Variants in CDH13 observed in about 807,000 individuals in gnomAD.
CDH13 encodes the protein cadherin-13.
CDH13 carries 24 observed loss-of-function variants against 63.8 expected under a neutral mutation model. That is an observed-to-expected ratio of 0.38 (90% CI 0.27 to 0.53). CDH13 has a LOEUF of 0.53. CDH13 is among the 20% of genes least tolerant of loss of function. CDH13 has a pLI of 0.85. For missense variants in CDH13, 1,049 were observed against 903.1 expected (o/e 1.16, Z -2.07); for synonymous variants, 503 against 355.3 (o/e 1.42, Z -4.67).
At chr16:83,036,954 A>G (rs1195641836) in intron 3 of CDH13, among the ~76,000 whole-genome samples, 1 of 152,180 alleles carries the variant, frequency 6.6e-6, no homozygotes, top group Non-Finnish European at 1.5e-5. Context: ...GCATGGGAAC[A>G]TGTGGGCAGA....
intron 10 of CDH13, among the ~76,000 whole-genome samples, chr16:83,698,553 T>TGTG: frequency 6.6e-6 from 1 of 152,330 alleles, no homozygotes; most frequent in South Asian, 2.1e-4. Context: ...TTGTGCTTCC[T>TGTG]CCTGGGCAGA....
At chr16:82,804,867 T>C (rs2037067520) in intron 1 of CDH13, among the ~76,000 whole-genome samples, 1 of 152,226 alleles carries the variant, frequency 6.6e-6, no homozygotes, top group African/African-American at 2.4e-5. Context: ...ATCTAAGGGT[T>C]ATCAAAGAAT....
intron 2 of CDH13, among the ~76,000 whole-genome samples, chr16:82,989,612 T>C (rs554795055): frequency 3.0e-4 from 45 of 152,358 alleles, no homozygotes; most frequent in African/African-American, 1.0e-3. Context: ...GGACCAGTGA[T>C]ACAATGGAGA....
intron 1 of CDH13, among the ~76,000 whole-genome samples, chr16:82,665,442 A>G (rs563021725): frequency 1.3e-4 from 20 of 152,230 alleles, no homozygotes; most frequent in Non-Finnish European, 2.1e-4. Context: ...AGAGGCTCAC[A>G]GGAACCTAAC....
intron 4 of CDH13, among the ~76,000 whole-genome samples, chr16:83,206,057 C>G (rs4783333): frequency 0.95 from 144,256 of 152,194 alleles, 68,625 homozygotes; most frequent in Non-Finnish European, 0.99. Context: ...TACGGGGTGG[C>G]CTGGTGTGCT....
intron 11 of CDH13, among the ~76,000 whole-genome samples, chr16:83,773,690 C>T (rs550524147): frequency 3.0e-4 from 45 of 152,118 alleles, no homozygotes; most frequent in Non-Finnish European, 5.1e-4. Flanking sequence ...AAAGTGTAGT[C>T]CAGCACAGGG....
chr16:83,132,656 G>C (rs1314944820), intron 4 of CDH13, among the ~76,000 whole-genome samples: 2 of 151,928 alleles, frequency 1.3e-5, no homozygotes, highest in East Asian at 1.9e-4. Context: ...ATGTTGGCCA[G>C]ACTCATCTGG....
intron 1 of CDH13, among the ~76,000 whole-genome samples, chr16:82,782,207 C>T (rs148327812): frequency 6.6e-6 from 1 of 152,102 alleles, no homozygotes; most frequent in Admixed American, 6.6e-5. Flanking sequence ...CTCAGAAAGC[C>T]AATCACAAGA....
intron 8 of CDH13, among the ~76,000 whole-genome samples, chr16:83,650,327 G>C (rs536023400): frequency 6.6e-6 from 1 of 152,238 alleles, no homozygotes; most frequent in South Asian, 2.1e-4. Flanking sequence ...TATAGTCTTT[G>C]GTTTTACCCT....
intron 6 of CDH13, among the ~76,000 whole-genome samples, chr16:83,429,546 T>C (rs969149783): frequency 8.3e-5 from 12 of 145,214 alleles, no homozygotes; most frequent in Non-Finnish European, 1.6e-4. Flanking sequence ...TCACACAGCA[T>C]TGAAGATGAC....
Position 82,858,460 on chromosome 16 carries a change from G to T in CDH13, c.144G>T (p.Gln48His). ...AGCCAGCTGAATTCATTGAGGACCA[G>T]TCAATTCTAAACTGTAAGCAATGTC... ...INQPAEFIED[Q>H]SILNLTFSDC... Residue 48 changes from glutamine to histidine, a missense_variant, in exon 2 of 14, where the codon CAG (glutamine) becomes CAT (histidine). Gln to His is a conservative substitution (Grantham distance 24). Transcript: ENST00000567109. 1 of 1,603,594 alleles carries T rather than the reference G, an allele frequency of 6.2e-7. No individual in the cohort carries two copies. Among genetic ancestry groups the T allele is most frequent in the East Asian group, 2.2e-5 (1 of 44,828 alleles).
intron 4 of CDH13, among the ~76,000 whole-genome samples, chr16:83,141,919 C>T (rs557580510): frequency 6.6e-6 from 1 of 152,206 alleles, no homozygotes; most frequent in African/African-American, 2.4e-5. Flanking sequence ...CTAGCAACTC[C>T]CCCATGCACT....
At chr16:83,765,465 C>T (rs772219952) in intron 11 of CDH13, among the ~76,000 whole-genome samples, 4 of 152,100 alleles carry the variant, frequency 2.6e-5, no homozygotes, top group South Asian at 2.1e-4. Context: ...ATAGTATACA[C>T]GGAAACCTGG....
In CDH13 at chr16:83,276,575, C is replaced by G. The variant is rs187615234; in HGVS notation, c.636+59078C>G. ...TCACAGTCATGGCAGAAGACAAGAG[C>G]ATGTCACATCTTGGGCCAGGCGTGG... On this transcript the variant is annotated intron_variant, in intron 5 of 13. Transcript: ENST00000567109. Among the ~76,000 whole-genome samples the G allele has an allele frequency of 5.3e-4, 80 of 152,244 alleles. 1 individual carries two copies. Among genetic ancestry groups the G allele is most frequent in the African/African-American group, 1.9e-3 (78 of 41,556 alleles).
intron 7 of CDH13, among the ~76,000 whole-genome samples, chr16:83,555,590 T>C (rs894286246): frequency 9.2e-5 from 14 of 152,218 alleles, no homozygotes; most frequent in Admixed American, 1.3e-4. Flanking sequence ...AGATGTAAAG[T>C]TAAAACATGA....
At chr16:83,360,959 G>T (rs909394282) in intron 6 of CDH13, among the ~76,000 whole-genome samples, 1 of 152,106 alleles carries the variant, frequency 6.6e-6, no homozygotes, top group South Asian at 2.1e-4. Flanking sequence ...TTTTATTTTG[G>T]ATATATACCC....
chr16:82,916,170 T>G (rs750208307), intron 2 of CDH13, among the ~76,000 whole-genome samples: 4 of 152,198 alleles, frequency 2.6e-5, no homozygotes, highest in Non-Finnish European at 1.5e-5. Flanking sequence ...ACTTTCAATA[T>G]ACATCGATTG....
chr16:83,102,942 CTTTTTCTTTTTT>C (rs2034565307), intron 3 of CDH13, among the ~76,000 whole-genome samples: 1 of 51,920 alleles, frequency 1.9e-5, no homozygotes, highest in South Asian at 6.0e-4. Flanking sequence ...TTTTTTTTTT[CTTTTTCTTTTTT>C]TTTTTTTTTT....
intron 1 of CDH13, among the ~76,000 whole-genome samples, chr16:82,844,244 G>T (rs1375633476): frequency 6.6e-6 from 1 of 152,140 alleles, no homozygotes; most frequent in Non-Finnish European, 1.5e-5. Flanking sequence ...TGGCTTGAAT[G>T]AAGAAGGAGG....
Sources: gnomAD v4.1 joint callset for allele counts (sites outside exome capture counted in the v4.1 genomes callset) on GRCh38, gnomAD v4.1.1 for gene constraint, MANE v1.5 for transcripts, NCBI Gene and HGNC (gene_info 2026-07-23, HGNC 2026-07-21) for gene names.